Variants in SP140 observed in about 807,000 individuals in gnomAD.
The protein encoded by SP140 is nuclear body protein SP140.
In SP140, 81 loss-of-function variants were observed where a neutral mutation model predicts 125.0. The observed-to-expected ratio is 0.65, with a 90% CI of 0.54 to 0.78. SP140 has a LOEUF of 0.78. Ranked by LOEUF, SP140 falls within the 30% of genes least tolerant of loss-of-function variation. The pLI is 0.00. For missense variants in SP140, 858 were observed against 1,037.0 expected, an observed-to-expected ratio of 0.83 and a Z score of 2.37; for synonymous variants, 312 against 354.0, an observed-to-expected ratio of 0.88 and a Z score of 1.33.
intron 16 of SP140, among the ~76,000 whole-genome samples, chr2:230,284,924 T>C (rs6743287): frequency 0.014 from 2,128 of 152,252 alleles, 51 homozygotes; most frequent in African/African-American, 0.048. Flanking sequence ...AGTGGTTACA[T>C]TTGGTCAGTG....
intron 9 of SP140, among the ~76,000 whole-genome samples, chr2:230,249,665 C>A (rs1483656192): frequency 6.6e-6 from 1 of 151,888 alleles, no homozygotes; most frequent in African/African-American, 2.4e-5. Context: ...ACAATAACAA[C>A]AGCAATATGG....
chr2:230,285,798 G>A lies in SP140; in HGVS notation c.1611G>A (p.Ala537=), dbSNP rs367946644. Residue 537 remains alanine (A), a synonymous_variant, in exon 17 of 27, where the codon GCG becomes GCA. Coordinates refer to ENST00000392045, the MANE Select transcript of SP140 (RefSeq NM_007237.5). Reference sequence around the variant, plus strand: ...AGGTGGTCTCCAGTGAAAAGAAGGCGAACGTGAATCTGAAAGACCTTTCCA... The same window carrying A: ...AGGTGGTCTCCAGTGAAAAGAAGGCAAACGTGAATCTGAAAGACCTTTCCA... The part of the protein sequence containing the change: ...DGQVVSSEKK[A]NVNLKDLSKI... 30 of 1,613,636 alleles carry A rather than the reference G, an allele frequency of 1.9e-5. No individual in the cohort carries two copies. Among genetic ancestry groups the A allele is most frequent in the South Asian group, 1.6e-4 (15 of 91,074 alleles).
chr2:230,287,683 T>C (rs1373387961), intron 17 of SP140, among the ~76,000 whole-genome samples: 8 of 152,206 alleles, frequency 5.3e-5, no homozygotes, highest in Non-Finnish European at 1.0e-4. Flanking sequence ...GTTTTTTTCC[T>C]AACATAAGAA....
chr2:230,226,385 A>G (rs564636091), intron 1 of SP140, among the ~76,000 whole-genome samples: 1 of 152,320 alleles, frequency 6.6e-6, no homozygotes, highest in Admixed American at 6.5e-5. Flanking sequence ...CCCTAGAATC[A>G]CTTCAGGATC....
intron 1 of SP140, among the ~76,000 whole-genome samples, chr2:230,206,988 A>C (rs2043936719): frequency 6.6e-6 from 1 of 152,148 alleles, no homozygotes; most frequent in Non-Finnish European, 1.5e-5. Flanking sequence ...TATATATCAC[A>C]AGGGGTAAAG....
At chr2:230,262,922 T>C (rs1575088475) in intron 12 of SP140, among the ~76,000 whole-genome samples, 3 of 152,150 alleles carry the variant, frequency 2.0e-5, no homozygotes, top group Admixed American at 1.3e-4. Flanking sequence ...TTAAATAGAA[T>C]GTATATTCTG....
the SP140 span, among the ~76,000 whole-genome samples, chr2:230,195,391 G>A: frequency 6.6e-6 from 1 of 152,122 alleles, no homozygotes; most frequent in Non-Finnish European, 1.5e-5. Flanking sequence ...CTGGAGTGCA[G>A]TGGCATAATC....
intron 12 of SP140, among the ~76,000 whole-genome samples, chr2:230,261,487 A>G (rs901127835): frequency 1.3e-5 from 2 of 152,058 alleles, no homozygotes; most frequent in African/African-American, 4.8e-5. Flanking sequence ...TTCCAGTACT[A>G]TGTTGAAGAG....
At chr2:230,197,854 C>T in the SP140 span, among the ~76,000 whole-genome samples, 1 of 152,136 alleles carries the variant, frequency 6.6e-6, no homozygotes, top group Non-Finnish European at 1.5e-5. Flanking sequence ...GGTCTTACTA[C>T]ATTGTCAAGC....
intron 1 of SP140, among the ~76,000 whole-genome samples, chr2:230,213,417 G>A (rs1292750280): frequency 2.0e-5 from 3 of 152,046 alleles, no homozygotes; most frequent in African/African-American, 7.2e-5. Flanking sequence ...ATACTTCCCC[G>A]AAGCAAATAA....
intron 1 of SP140, among the ~76,000 whole-genome samples, chr2:230,235,339 T>C (rs1316640240): frequency 1.3e-5 from 2 of 152,198 alleles, no homozygotes; most frequent in Non-Finnish European, 2.9e-5. Flanking sequence ...ACTTTTTCTC[T>C]TTCATACTTA....
intron 12 of SP140, among the ~76,000 whole-genome samples, chr2:230,267,682 G>T (rs1283410093): frequency 6.6e-6 from 1 of 152,152 alleles, no homozygotes; most frequent in Non-Finnish European, 1.5e-5. Flanking sequence ...GGAGATTATG[G>T]CTTTGGCAAA....
intron 3 of SP140, among the ~76,000 whole-genome samples, chr2:230,215,397 C>T (rs188047560): frequency 7.2e-5 from 11 of 152,136 alleles, no homozygotes; most frequent in South Asian, 4.2e-4. Flanking sequence ...ACATTTGAGA[C>T]GAGAGAAATT....
In SP140 at chr2:230,312,904, G is replaced by A. The variant is rs1321581257; in HGVS notation, c.*220G>A. The A allele has an allele frequency of 1.2e-5, 5 of 425,690 alleles. No individual in the cohort carries two copies. Among genetic ancestry groups the A allele is most frequent in the Non-Finnish European group, 2.1e-5 (5 of 235,472 alleles). The allele number at this position is 425,690 out of a possible 1,614,324, so 26.4% of individuals were successfully genotyped here. On this transcript the variant is annotated 3_prime_UTR_variant, in exon 27 of 27. Coordinates refer to ENST00000392045, the MANE Select transcript of SP140 (RefSeq NM_007237.5). ...TCATCAGCCAGGGAAGAGTAAGTGG[G>A]ATCACAGGGAAGGATGTTGGCAGCG...
intron 10 of SP140, 135 bp from the exon 11 acceptor site, chr2:230,253,181 G>C (rs1375363167): frequency 1.5e-6 from 1 of 665,036 alleles, no homozygotes; most frequent in African/African-American, 1.8e-5. Flanking sequence ...GAGAATTAGA[G>C]AGAAGGAGAA....
At chr2:230,249,857 A>G (rs1420168095) in intron 9 of SP140, among the ~76,000 whole-genome samples, 6 of 152,178 alleles carry the variant, frequency 3.9e-5, no homozygotes. Flanking sequence ...GAGTTTTCCA[A>G]TCCAGGCCCC....
At chr2:230,266,307 T>C (rs2053117215) in intron 12 of SP140, among the ~76,000 whole-genome samples, 1 of 152,232 alleles carries the variant, frequency 6.6e-6, no homozygotes, top group African/African-American at 2.4e-5. Flanking sequence ...AGAAGTTTTA[T>C]GTCCATTTTT....
chr2:230,280,375 C>G (rs1248355230), intron 15 of SP140, among the ~76,000 whole-genome samples: 1 of 152,056 alleles, frequency 6.6e-6, no homozygotes, highest in East Asian at 1.9e-4. Context: ...TTATGTGATG[C>G]CCTTTTGTTC....
At chr2:230,268,356 T>G (rs2053435451) in intron 12 of SP140, among the ~76,000 whole-genome samples, 1 of 151,964 alleles carries the variant, frequency 6.6e-6, no homozygotes, top group Non-Finnish European at 1.5e-5. Context: ...AAATCCCCTC[T>G]CTACTAAAAT....
Sources: gnomAD v4.1 joint callset for allele counts (sites outside exome capture counted in the v4.1 genomes callset) on GRCh38, gnomAD v4.1.1 for gene constraint, MANE v1.5 for transcripts, NCBI Gene and HGNC (gene_info 2026-07-23, HGNC 2026-07-21) for gene names.